The following OPN3 variants were observed in gnomAD, a reference collection of about 807,000 sequenced individuals.
The protein encoded by OPN3 is opsin 3.
In OPN3, 29 loss-of-function variants were observed where a neutral mutation model predicts 33.8. The observed-to-expected ratio is 0.86, with a 90% CI of 0.64 to 1.17. OPN3 has a LOEUF of 1.17. OPN3 is among the 50% of genes most tolerant of loss of function. OPN3 has a pLI of 0.00. For missense variants in OPN3, 437 were observed against 514.1 expected (o/e 0.85, Z 1.45); for synonymous variants, 216 against 216.1 (o/e 1.00, Z 0.00).
intron 1 of OPN3, chr1:241,631,829 T>C (rs928904148): frequency 6.6e-6 from 1 of 152,156 alleles, no homozygotes; most frequent in African/African-American, 2.4e-5. Context: ...CCGGCAATGC[T>C]AGACTAATTT....
At chr1:241,629,110 T>C (rs1034037876) in intron 1 of OPN3, 2 of 152,608 alleles carry the variant, frequency 1.3e-5, no homozygotes, top group Non-Finnish European at 2.9e-5. Context: ...GTGATAGCAC[T>C]AGCAATACAC....
intron 3 of OPN3, among the ~76,000 whole-genome samples, chr1:241,596,973 G>A (rs1399946447): frequency 3.3e-5 from 5 of 151,966 alleles, no homozygotes; most frequent in African/African-American, 1.2e-4. Flanking sequence ...TAAGGCACAT[G>A]CCACCATGCC....
intron 1 of OPN3, among the ~76,000 whole-genome samples, chr1:241,638,123 C>G (rs1664971469): frequency 6.6e-6 from 1 of 152,210 alleles, no homozygotes; most frequent in South Asian, 2.1e-4. Context: ...TCTCTTATCT[C>G]AGGGTTTCCA....
intron 1 of OPN3, among the ~76,000 whole-genome samples, chr1:241,624,617 G>A (rs750292786): frequency 2.6e-5 from 4 of 152,202 alleles, no homozygotes; most frequent in Admixed American, 1.3e-4. Flanking sequence ...CTTTCAGAGA[G>A]TTACTGAGCC....
chr1:241,611,677 A>G lies in OPN3; in HGVS notation c.374-7098T>C, dbSNP rs149712607. On this transcript the variant is annotated intron_variant, in intron 1 of 3. Coordinates refer to ENST00000366554, the MANE Select transcript of OPN3 (RefSeq NM_014322.3). ...TAAACAGAGAATGAAAAGACTAAGGACTCTCCTAGAAAACCCTTAAATGCC... is the reference window on the plus strand; with the variant it reads ...TAAACAGAGAATGAAAAGACTAAGGGCTCTCCTAGAAAACCCTTAAATGCC... Among the ~76,000 whole-genome samples, 905 of 152,042 alleles carry G rather than the reference A, an allele frequency of 6.0e-3. 7 individuals are homozygous for G. Among genetic ancestry groups the G allele is most frequent in the African/African-American group, 0.021 (850 of 41,448 alleles).
chr1:241,593,280 A>G lies in OPN3; in HGVS notation c.*1148T>C, dbSNP rs1031794271. 4 of 370,106 alleles carry G rather than the reference A, an allele frequency of 1.1e-5. No homozygotes were observed. The highest frequency in any genetic ancestry group is 8.3e-5 in the African/African-American group (4 of 48,456). The allele number at this position is 370,106 out of a possible 1,614,324, so 22.9% of individuals were successfully genotyped here. A position where few individuals can be genotyped will look rare whatever the true frequency, so the allele number is the denominator to read the frequency against. ...ATTTACTAATTTATTCTTCGACTAC[A>G]TACTGCAGCAGAACCAGCAATACAC... On this transcript the variant is annotated 3_prime_UTR_variant, in exon 4 of 4. Transcript: ENST00000366554.
rs908649840 is a variant in OPN3 at position 241,640,354 on chromosome 1, C to T, written c.-100G>A. The T allele has an allele frequency of 1.9e-6, 2 of 1,058,368 alleles. No individual in the cohort carries two copies. The highest frequency in any genetic ancestry group is 9.1e-5 in the South Asian group (2 of 21,964). 65.6% of individuals were successfully genotyped at this position (1,058,368 alleles called of 1,614,324 possible). ...TGGGGTTGGGGCTCCGCCGCCTGCT[C>T]TAGCCATTGTGCACTGAGGGGCCCG... On this transcript the variant is annotated 5_prime_UTR_variant, in exon 1 of 4. Coordinates refer to ENST00000366554, the MANE Select transcript of OPN3 (RefSeq NM_014322.3).
chr1:241,615,246 C>G (rs1172883800), intron 1 of OPN3, among the ~76,000 whole-genome samples: 1 of 145,580 alleles, frequency 6.9e-6, no homozygotes, highest in Non-Finnish European at 1.5e-5. Flanking sequence ...AAGCACTTAA[C>G]AGGAACTGAG....
intron 1 of OPN3, among the ~76,000 whole-genome samples, chr1:241,608,242 G>T (rs1001612849): frequency 1.3e-5 from 2 of 152,192 alleles, no homozygotes; most frequent in Non-Finnish European, 2.9e-5. Context: ...AAATTTCAAT[G>T]TACCTTAGAG....
At chr1:241,619,538 C>T (rs576246933) in intron 1 of OPN3, among the ~76,000 whole-genome samples, 4 of 152,300 alleles carry the variant, frequency 2.6e-5, no homozygotes, top group South Asian at 2.1e-4. Flanking sequence ...TTTTATAGAA[C>T]CTGACACAGC....
At chr1:241,603,950 T>G (rs1235540356) in intron 2 of OPN3, among the ~76,000 whole-genome samples, 1 of 152,232 alleles carries the variant, frequency 6.6e-6, no homozygotes, top group Admixed American at 6.5e-5. Flanking sequence ...TGGAGTTCCC[T>G]CTTTTAAATT....
At chr1:241,603,472 G>GT (rs3835406) in intron 2 of OPN3, among the ~76,000 whole-genome samples, 12,556 of 147,174 alleles carry the variant, frequency 0.085, 1,198 homozygotes, top group East Asian at 0.2. Flanking sequence ...GATGTGTTTT[G>GT]TTTTTTTTTT....
At position 241,640,065 on chromosome 1, in the gene OPN3, C is replaced by T. The variant is rs752867532; in HGVS notation, c.190G>A (p.Val64Ile). 7 of 1,611,504 alleles carry T rather than the reference C, an allele frequency of 4.3e-6. No homozygotes were observed. Among genetic ancestry groups the T allele is most frequent in the Non-Finnish European group, 5.9e-6 (7 of 1,179,122 alleles). The change falls in exon 1 of 4, where the codon GTC (valine) becomes ATC (isoleucine). Residue 64 changes from valine to isoleucine, a missense_variant. Coordinates refer to ENST00000366554, the MANE Select transcript of OPN3 (RefSeq NM_014322.3). ...AGCCGCTGGAACTTGTAGTAGAGGA[C>T]GAGCACCAGCAGGTTGTTGCCGACG... ...LGVGNNLLVL[V>I]LYYKFQRLRT...
In OPN3 at chr1:241,594,211, G is replaced by T. The variant is rs1663423399; in HGVS notation, c.*217C>A. The T allele has an allele frequency of 4.4e-6, 2 of 459,700 alleles. No individual in the cohort carries two copies. The highest frequency in any genetic ancestry group is 5.4e-5 in the South Asian group (1 of 18,606). 28.5% of individuals were successfully genotyped at this position (459,700 alleles called of 1,614,324 possible). A position where few individuals can be genotyped will look rare whatever the true frequency, so the allele number is the denominator to read the frequency against. The stretch of plus-strand genomic sequence containing the variant: ...AGATGCCCATCGTGTGCCACAAGTG[G>T]TTTTTTCATTATGTAAAGCACCCGT... On this transcript the variant is annotated 3_prime_UTR_variant, in exon 4 of 4. Transcript: ENST00000366554.
At position 241,594,663 on chromosome 1, in the gene OPN3, C is replaced by T; in HGVS notation, c.974G>A (p.Cys325Tyr). 6.2e-7 allele frequency: 1 copy of T among 1,613,848 alleles called. No homozygotes were observed. The highest frequency in any genetic ancestry group is 8.5e-7 in the Non-Finnish European group (1 of 1,179,908). ...KFRRSLLQLL[C>Y]LRLLRCQRPA... is the part of the protein sequence containing the mutation. Reference sequence around the variant, plus strand: ...CCTCTGGCACCTCAGCAGTCGGAGGCACAGAAGCTGCAAAAGGGATCTTCG... The same window carrying T: ...CCTCTGGCACCTCAGCAGTCGGAGGTACAGAAGCTGCAAAAGGGATCTTCG... The change falls in exon 4 of 4, where the codon TGC (cysteine) becomes TAC (tyrosine). Residue 325 changes from cysteine (C) to tyrosine (Y), a missense_variant. Physicochemically the swap from Cys to Tyr is radical, Grantham distance 194. Coordinates refer to ENST00000366554, the MANE Select transcript of OPN3 (RefSeq NM_014322.3).
Position 241,593,411 on chromosome 1 carries a change from T to C in OPN3, c.*1017A>G, listed in dbSNP as rs1254485817. ...CTTCAAACATGATTAATTATGAAGA[T>C]GAAACACTAGAGTCATATAAGAAAT... On this transcript the variant is annotated 3_prime_UTR_variant, in exon 4 of 4. Transcript: ENST00000366554. The C allele has an allele frequency of 4.7e-6, 2 of 428,324 alleles. No homozygotes were observed. Among genetic ancestry groups the C allele is most frequent in the East Asian group, 7.2e-5 (1 of 13,844 alleles). The allele number at this position is 428,324 out of a possible 1,614,324, so 26.5% of individuals were successfully genotyped here. A position where few individuals can be genotyped will look rare whatever the true frequency, so the allele number is the denominator to read the frequency against.
intron 2 of OPN3, among the ~76,000 whole-genome samples, chr1:241,599,395 T>C (rs2147997195): frequency 6.6e-6 from 1 of 152,274 alleles, no homozygotes; most frequent in Non-Finnish European, 1.5e-5. Context: ...GTAAAATTCA[T>C]ATAACTTATT....
chr1:241,640,178 G>A lies in OPN3; in HGVS notation c.77C>T (p.Pro26Leu), dbSNP rs1235308885. 2.1e-6 allele frequency: 3 copies of A among 1,410,202 alleles called. No individual in the cohort carries two copies. Among genetic ancestry groups the A allele is most frequent in the Non-Finnish European group, 2.8e-6 (3 of 1,087,148 alleles). The allele number at this position is 1,410,202 out of a possible 1,614,324, so 87.4% of individuals were successfully genotyped here. The change falls in exon 1 of 4, where the codon CCG (proline) becomes CTG (leucine). Residue 26 changes from proline (P) to leucine (L), a missense_variant. Coordinates refer to ENST00000366554, the MANE Select transcript of OPN3 (RefSeq NM_014322.3). ...GGAAGAEGPA[P>L]AGTLSPAPLF... Reference sequence around the variant, plus strand: ...GGGCGCGGGGCTCAGTGTCCCCGCCGGCGCCGGCCCCTCAGCGCCCGCGGC... The same window carrying A: ...GGGCGCGGGGCTCAGTGTCCCCGCCAGCGCCGGCCCCTCAGCGCCCGCGGC...
intron 2 of OPN3, among the ~76,000 whole-genome samples, chr1:241,603,504 G>C (rs1663734597): frequency 6.6e-6 from 1 of 151,778 alleles, no homozygotes; most frequent in Non-Finnish European, 1.5e-5. Flanking sequence ...CTTGCAGTTT[G>C]ACTACAGGCA....
Sources: allele counts gnomAD v4.1 joint callset (sites outside exome capture counted in the v4.1 genomes callset), GRCh38; gene constraint gnomAD v4.1.1; transcripts MANE v1.5; gene names NCBI Gene and HGNC (gene_info 2026-07-23, HGNC 2026-07-21).